The following OR3A2 variants were observed in gnomAD, a reference collection of about 807,000 sequenced individuals.
The protein encoded by OR3A2 is olfactory receptor family 3 subfamily A member 2, also known as olfactory receptor 3A2.
For synonymous variants in OR3A2, 126 were observed against 159.3 expected (o/e 0.79, Z 1.57); for missense variants, 318 against 392.8 (o/e 0.81, Z 1.61).
intron 2 of OR3A2, among the ~76,000 whole-genome samples, chr17:3,345,696 G>A (rs761074013): frequency 6.6e-6 from 1 of 151,938 alleles, no homozygotes; most frequent in Non-Finnish European, 1.5e-5. Context: ...GATAATAGGA[G>A]ATAAATGAAT....
chr17:3,303,143 T>TGC (rs1324946354), intron 3 of OR3A2, among the ~76,000 whole-genome samples: 7 of 152,186 alleles, frequency 4.6e-5, no homozygotes, highest in African/African-American at 1.7e-4. Context: ...AATGATATTA[T>TGC]ATGTCTTTCT....
intron 3 of OR3A2, among the ~76,000 whole-genome samples, chr17:3,309,606 G>A (rs2049024476): frequency 6.6e-6 from 1 of 152,056 alleles, no homozygotes; most frequent in South Asian, 2.1e-4. Context: ...AAATTTCCCA[G>A]ACTCTATACG....
chr17:3,294,237 A>T (rs1477962389), intron 3 of OR3A2, among the ~76,000 whole-genome samples: 10 of 152,206 alleles, frequency 6.6e-5, no homozygotes, highest in African/African-American at 2.4e-4. Context: ...GAGTAAAAAT[A>T]TAAGAGCTGA....
intron 3 of OR3A2, among the ~76,000 whole-genome samples, chr17:3,319,985 G>C (rs1279190503): frequency 6.6e-6 from 1 of 151,910 alleles, no homozygotes; most frequent in Non-Finnish European, 1.5e-5. Context: ...CTAGTTTACA[G>C]TCCCACCAAC....
chr17:3,374,637 G>T (rs1445311248), intron 2 of OR3A2, among the ~76,000 whole-genome samples: 1 of 152,112 alleles, frequency 6.6e-6, no homozygotes, highest in African/African-American at 2.4e-5. Flanking sequence ...CAGAAATTGT[G>T]ATTATCTTTT....
intron 3 of OR3A2, among the ~76,000 whole-genome samples, chr17:3,312,977 T>G (rs2049056115): frequency 6.6e-6 from 1 of 152,172 alleles, no homozygotes; most frequent in Non-Finnish European, 1.5e-5. Flanking sequence ...ACATTCTGTT[T>G]AATTCATACG....
intron 2 of OR3A2, among the ~76,000 whole-genome samples, chr17:3,371,960 A>C: frequency 6.9e-6 from 1 of 144,090 alleles, no homozygotes; most frequent in African/African-American, 2.6e-5. Context: ...GGTGGCTGCC[A>C]GGCGGAGACG....
chr17:3,367,616 T>C (rs981076828), intron 2 of OR3A2, among the ~76,000 whole-genome samples: 3 of 147,184 alleles, frequency 2.0e-5, no homozygotes, highest in Non-Finnish European at 3.0e-5. Context: ...TATATATATA[T>C]ATATATGCCA....
intron 2 of OR3A2, among the ~76,000 whole-genome samples, chr17:3,373,854 C>A (rs571567639): frequency 6.6e-6 from 1 of 152,148 alleles, no homozygotes; most frequent in Admixed American, 6.5e-5. Context: ...TCCCTGAATT[C>A]CTTGGGTTTC....
chr17:3,339,850 C>A (rs1166093295), intron 2 of OR3A2, among the ~76,000 whole-genome samples: 2 of 152,108 alleles, frequency 1.3e-5, no homozygotes, highest in Non-Finnish European at 2.9e-5. Context: ...AGGAATGGTA[C>A]CAGCTCCTCT....
intron 2 of OR3A2, among the ~76,000 whole-genome samples, chr17:3,374,747 G>A (rs1268746141): frequency 6.6e-6 from 1 of 152,116 alleles, no homozygotes; most frequent in African/African-American, 2.4e-5. Context: ...GGGAACAGGT[G>A]ATGTTTCATC....
intron 2 of OR3A2, among the ~76,000 whole-genome samples, chr17:3,353,104 T>G (rs1160893545): frequency 7.4e-6 from 1 of 134,434 alleles, no homozygotes; most frequent in Non-Finnish European, 1.6e-5. Flanking sequence ...CTTTACTGAA[T>G]TTGCTTATAA....
At chr17:3,302,065 T>A (rs1439495177) in intron 3 of OR3A2, among the ~76,000 whole-genome samples, 1 of 152,084 alleles carries the variant, frequency 6.6e-6, no homozygotes, top group East Asian at 1.9e-4. Flanking sequence ...CAAGAAGAAC[T>A]ACAAACCACT....
chr17:3,306,697 C>CCT (rs1567549179), intron 3 of OR3A2, among the ~76,000 whole-genome samples: 1 of 142,774 alleles, frequency 7.0e-6, no homozygotes, highest in African/African-American at 2.7e-5. Context: ...AAAAAAAAAC[C>CCT]GTAACCCCTT....
At chr17:3,285,777 G>A (rs745420546), upstream of OR3A2, among the ~76,000 whole-genome samples, 1 of 152,140 alleles carries the variant, frequency 6.6e-6, no homozygotes. Context: ...TATAGAGTGA[G>A]AATCCCTCCC....
At chr17:3,313,262 G>A (rs1021376565) in intron 3 of OR3A2, among the ~76,000 whole-genome samples, 10 of 152,182 alleles carry the variant, frequency 6.6e-5, no homozygotes, top group Non-Finnish European at 1.0e-4. Flanking sequence ...ATTTGAGGAG[G>A]GCAGCAGGGA....
At chr17:3,364,035 C>A (rs762397974) in intron 2 of OR3A2, among the ~76,000 whole-genome samples, 1 of 152,106 alleles carries the variant, frequency 6.6e-6, no homozygotes, top group Non-Finnish European at 1.5e-5. Flanking sequence ...TGGGAGGGGA[C>A]ACAAAGCCAA....
chr17:3,334,163 T>C (rs1428474627), intron 3 of OR3A2, among the ~76,000 whole-genome samples: 2 of 152,218 alleles, frequency 1.3e-5, no homozygotes, highest in Non-Finnish European at 2.9e-5. Flanking sequence ...AGTGGGAGTG[T>C]AAATTAGTTC....
chr17:3,328,811 A>G (rs1340152642), intron 3 of OR3A2, among the ~76,000 whole-genome samples: 2 of 144,658 alleles, frequency 1.4e-5, no homozygotes, highest in East Asian at 4.1e-4. Flanking sequence ...ATCTATTGAG[A>G]TAATCATGTG....
Sources: gnomAD v4.1 joint callset for allele counts (sites outside exome capture counted in the v4.1 genomes callset) on GRCh38, gnomAD v4.1.1 for gene constraint, MANE v1.5 for transcripts, NCBI Gene and HGNC (gene_info 2026-07-23, HGNC 2026-07-21) for gene names.